Variants in ST14 observed in about 807,000 individuals in gnomAD.
ST14 encodes the protein ST14 transmembrane serine protease matriptase, also known as suppressor of tumorigenicity 14 protein.
Under a neutral mutation model 96.5 loss-of-function variants are expected in ST14, and 40 were observed. That is an observed-to-expected ratio of 0.41 (90% confidence interval 0.32 to 0.54). The LOEUF is 0.54. ST14 is among the 20% of genes least tolerant of loss of function. ST14 has a pLI of 0.17. For synonymous variants in ST14, 506 were observed against 492.1 expected (o/e 1.03, Z -0.37); for missense variants, 1,066 against 1,188.9 (o/e 0.90, Z 1.52).
At chr11:130,191,605 A>G (rs1053969880) in intron 7 of ST14, among the ~76,000 whole-genome samples, 1 of 149,510 alleles carries the variant, frequency 6.7e-6, no homozygotes, top group East Asian at 2.0e-4. Flanking sequence ...CGGGAGAATC[A>G]CTTGAACCTG....
intron 17 of ST14, among the ~76,000 whole-genome samples, 161 bp downstream of exon 17, chr11:130,208,845 G>C (rs1319146931): frequency 1.3e-5 from 2 of 152,210 alleles, no homozygotes; most frequent in African/African-American, 4.8e-5. Context: ...TTTAGTAAAA[G>C]GGGCATGGGA....
chr11:130,163,139 C>T (rs1407887690), intron 1 of ST14, among the ~76,000 whole-genome samples: 1 of 151,980 alleles, frequency 6.6e-6, no homozygotes, highest in Non-Finnish European at 1.5e-5. Flanking sequence ...ATCAGTAGGT[C>T]GCCTGTCGAG....
intron 1 of ST14, among the ~76,000 whole-genome samples, chr11:130,176,128 C>T (rs148122558): frequency 0.014 from 2,097 of 152,264 alleles, 23 homozygotes; most frequent in Non-Finnish European, 0.02. Context: ...TGTGCTCTGT[C>T]TTTGGCAAAA....
chr11:130,199,344 C>T (rs1328706592), intron 15 of ST14, among the ~76,000 whole-genome samples: 2 of 152,208 alleles, frequency 1.3e-5, no homozygotes, highest in Non-Finnish European at 1.5e-5. Context: ...GTTGCTGGCC[C>T]CTGCTGTGTA....
chr11:130,171,516 G>C (rs992729281), intron 1 of ST14, among the ~76,000 whole-genome samples: 1 of 152,156 alleles, frequency 6.6e-6, no homozygotes, highest in African/African-American at 2.4e-5. Context: ...AAGTGGGCTC[G>C]CTGGATCTGC....
chr11:130,189,458 T>C (rs1953271430), intron 4 of ST14: 1 of 541,214 alleles, frequency 1.8e-6, no homozygotes, highest in Non-Finnish European at 3.3e-6. Context: ...GTGTCCTCGC[T>C]TGTGGCCAAA....
intron 1 of ST14, among the ~76,000 whole-genome samples, chr11:130,172,259 C>T (rs912688121): frequency 2.0e-5 from 3 of 151,630 alleles, no homozygotes; most frequent in Admixed American, 6.6e-5. Flanking sequence ...TGCCACCATG[C>T]TAAGCTAATT....
At chr11:130,193,445 T>C (rs1361920460) in intron 7 of ST14, among the ~76,000 whole-genome samples, 1 of 151,870 alleles carries the variant, frequency 6.6e-6, no homozygotes, top group East Asian at 1.9e-4. Context: ...AATCCTCTGT[T>C]GTGGGCATGT....
intron 1 of ST14, among the ~76,000 whole-genome samples, chr11:130,164,647 G>A (rs1953026939): frequency 6.6e-6 from 1 of 151,726 alleles, no homozygotes; most frequent in Non-Finnish European, 1.5e-5. Flanking sequence ...TTGAACTCCT[G>A]GGCTCAAGTG....
rs1198865588 is a variant in ST14, at chr11:130,188,311, AG to A, written c.241+42del. ...GGGGCTGGCTCCGGGGAGGACGACA[AG>A]GGGTGGCTGTCCCTCTTCCCTCAGC... On this transcript the variant is annotated intron_variant, in intron 2 of 18. Transcript: ENST00000278742. This position sits in a 1 kb window ranked among gnomAD's most constrained non-coding sequence, Gnocchi z 5.4. 1.2e-6 allele frequency: 2 copies of A among 1,600,676 alleles called. No individual in the cohort carries two copies. Among genetic ancestry groups the A allele is most frequent in the Non-Finnish European group, 8.5e-7 (1 of 1,172,490 alleles).
chr11:130,189,748 C>T lies in ST14; in HGVS notation c.450C>T (p.Ser150=), dbSNP rs755460482. The T allele has an allele frequency of 1.4e-5, 23 of 1,612,366 alleles. No homozygotes were observed. The highest frequency in any genetic ancestry group is 5.3e-5 in the African/African-American group (4 of 74,938). Residue 150 remains serine (S), a synonymous_variant, in exon 5 of 19, where the codon AGC becomes AGT. Coordinates refer to ENST00000278742, the MANE Select transcript of ST14 (RefSeq NM_021978.4). ...CCCGCTCTCTCCCCAGCGAGGGCAG[C>T]GTCATCGCCTACTACTGGTCTGAGT... ...ESAVTAFSEG[S]VIAYYWSEFS... is the part of the protein sequence containing the mutation.
chr11:130,185,980 G>A (rs1290959492), intron 1 of ST14, among the ~76,000 whole-genome samples: 1 of 151,736 alleles, frequency 6.6e-6, no homozygotes, highest in African/African-American at 2.4e-5. Flanking sequence ...GCTAATTTTT[G>A]TATTGTTAGT....
chr11:130,193,789 T>A (rs541145542), intron 7 of ST14, among the ~76,000 whole-genome samples: 1 of 152,258 alleles, frequency 6.6e-6, no homozygotes, highest in Non-Finnish European at 1.5e-5. Flanking sequence ...TCTTTGATTG[T>A]GACAAAGGTG....
chr11:130,160,023 A>G lies in ST14; in HGVS notation c.44A>G (p.Asp15Gly), dbSNP rs1026164636. Residue 15 changes from aspartate to glycine, a missense_variant, in exon 1 of 19, where the codon GAC becomes GGC. Transcript: ENST00000278742. Reference sequence around the variant, plus strand: ...CGCAAGGGCGGAGGGGGCCCGAAGGACTTCGGCGCGGGACTCAAGTACAAC... The same window carrying G: ...CGCAAGGGCGGAGGGGGCCCGAAGGGCTTCGGCGCGGGACTCAAGTACAAC... ...RARKGGGGPK[D>G]FGAGLKYNSR... The G allele has an allele frequency of 1.7e-5, 24 of 1,430,674 alleles. No homozygotes were observed. Among genetic ancestry groups the G allele is most frequent in the Non-Finnish European group, 2.2e-5 (24 of 1,084,214 alleles). 88.6% of individuals were successfully genotyped at this position (1,430,674 alleles called of 1,614,324 possible). A position where few individuals can be genotyped will look rare whatever the true frequency, so the allele number is the denominator to read the frequency against.
chr11:130,160,017 C>T lies in ST14; in HGVS notation c.38C>T (p.Pro13Leu). 7.0e-7 allele frequency: 1 copy of T among 1,428,460 alleles called. No individual in the cohort carries two copies. Among genetic ancestry groups the T allele is most frequent in the Non-Finnish European group, 9.2e-7 (1 of 1,082,790 alleles). 88.5% of individuals were successfully genotyped at this position (1,428,460 alleles called of 1,614,324 possible). ...SDRARKGGGG[P>L]KDFGAGLKYN... The stretch of plus-strand genomic sequence containing the variant: ...CGGGCCCGCAAGGGCGGAGGGGGCC[C>T]GAAGGACTTCGGCGCGGGACTCAAG... Residue 13 changes from proline (P) to leucine (L), a missense_variant, in exon 1 of 19, where the codon CCG (proline) becomes CTG (leucine). By Grantham distance (98) the Pro-to-Leu change is moderately conservative (BLOSUM62 -3). Transcript: ENST00000278742.
At chr11:130,160,160 G>T in intron 1 of ST14, 100 bp downstream of exon 1, 1 of 819,880 alleles carries the variant, frequency 1.2e-6, no homozygotes, top group Non-Finnish European at 1.7e-6. Context: ...GTGTCCGTCG[G>T]TGGCCGAGCT....
chr11:130,188,230 C>T lies in ST14; in HGVS notation c.198C>T (p.Leu66=). The T allele has an allele frequency of 1.2e-6, 2 of 1,614,160 alleles. No individual in the cohort carries two copies. The change falls in exon 2 of 19, where the codon CTC becomes CTT. Residue 66 remains leucine (L), a synonymous_variant. Transcript: ENST00000278742. This position sits in a 1 kb window ranked among gnomAD's most constrained non-coding sequence, Gnocchi z 5.4. ...TGGCAGCCGTGCTGATCGGCCTCCT[C>T]TTGGTCTTGCTGGGGATCGGCTTCC... ...VVLAAVLIGL[L]LVLLGIGFLV...
chr11:130,168,300 G>C (rs1044528477), intron 1 of ST14, among the ~76,000 whole-genome samples: 1 of 152,204 alleles, frequency 6.6e-6, no homozygotes, highest in African/African-American at 2.4e-5. Flanking sequence ...TCTGGAAACG[G>C]TGTCTTCAAG....
chr11:130,190,796 G>A (rs940545841), intron 7 of ST14, 102 bp downstream of exon 7: 23 of 1,358,426 alleles, frequency 1.7e-5, no homozygotes, highest in African/African-American at 1.3e-4. Flanking sequence ...ACTCTTGGCC[G>A]CAGGCCACTG....
Sources: allele counts gnomAD v4.1 joint callset (sites outside exome capture counted in the v4.1 genomes callset), GRCh38; gene constraint gnomAD v4.1.1; non-coding constraint Gnocchi (gnomAD v3.1); transcripts MANE v1.5; gene names NCBI Gene and HGNC (gene_info 2026-07-23, HGNC 2026-07-21).